Variants in MASP1 observed in about 807,000 individuals in gnomAD.
MASP1 encodes the protein MBL associated serine protease 1.
Under a neutral mutation model 77.1 loss-of-function variants are expected in MASP1, and 59 were observed. The ratio of observed to expected loss-of-function variants is 0.77; its 90% CI spans 0.62 to 0.95. The LOEUF (loss-of-function observed/expected upper bound fraction) is 0.95. MASP1 is among the 40% of genes least tolerant of loss of function. MASP1 has a pLI of 0.00. For missense variants in MASP1, 885 were observed against 912.9 expected, an observed-to-expected ratio of 0.97 and a Z score of 0.39; for synonymous variants, 362 against 354.5, an observed-to-expected ratio of 1.02 and a Z score of -0.24.
exon 16 of MASP1, chr3:187,220,116 G>A (rs1711951183): frequency 1.2e-6 from 2 of 1,614,116 alleles, no homozygotes; most frequent in East Asian, 2.2e-5. Context: ...CCTTGTTGTG[G>A]TGGATGTAAG....
intron 8 of MASP1, chr3:187,246,335 G>C: frequency 3.1e-6 from 3 of 967,194 alleles, no homozygotes; most frequent in Non-Finnish European, 3.7e-6. Flanking sequence ...GTATGTCACT[G>C]AGTATGAATG....
chr3:187,221,046 C>T (rs1418504804), exon 15 of MASP1: 1 of 1,614,046 alleles, frequency 6.2e-7, no homozygotes, highest in Non-Finnish European at 8.5e-7. Flanking sequence ...TTCCTTCTCC[C>T]CAGCACAGAT....
intron 11 of MASP1, among the ~76,000 whole-genome samples, chr3:187,226,898 C>T (rs962717312): frequency 6.6e-6 from 1 of 152,166 alleles, no homozygotes; most frequent in South Asian, 2.1e-4. Flanking sequence ...CCTGGACCAG[C>T]AACATTAGCA....
chr3:187,235,039 A>G lies in MASP1; in HGVS notation c.*645T>C. 1.6e-6 allele frequency: 2 copies of G among 1,287,244 alleles called. No homozygotes were observed. The highest frequency in any genetic ancestry group is 2.0e-6 in the Non-Finnish European group (2 of 988,698). The allele number at this position is 1,287,244 out of a possible 1,614,324, so 79.7% of individuals were successfully genotyped here. A position where few individuals can be genotyped will look rare whatever the true frequency, so the allele number is the denominator to read the frequency against. ...CCCAACTTTCTCCATGTCTTTTGAA[A>G]TTCCTTTAATGGGGAACATAAGGGA... On this transcript the variant is annotated 3_prime_UTR_variant, in exon 11 of 11. Transcript: ENST00000296280.
rs770147766 is a variant in MASP1, at chr3:187,262,750, T to A, written c.238-30A>T. ...GAGGTCAAAGAGAAAGGGAACAAGA[T>A]GAGCAGTTTCCCAGCTAGGCTTCTT... On this transcript the variant is annotated intron_variant, in intron 2 of 10. Coordinates refer to ENST00000296280, the MANE Select transcript of MASP1 (RefSeq NM_139125.4). The A allele has an allele frequency of 3.7e-6, 6 of 1,606,714 alleles. 1 individual carries two copies. Among genetic ancestry groups the A allele is most frequent in the South Asian group, 3.3e-5 (3 of 90,946 alleles).
At chr3:187,291,488 C>T in intron 1 of MASP1, 140 bp downstream of exon 1, 1 of 1,158,500 alleles carries the variant, frequency 8.6e-7, no homozygotes, top group South Asian at 1.3e-5. Flanking sequence ...TTCTCAGAGC[C>T]CTAAGAATTG....
In MASP1 at chr3:187,226,515, TG is replaced by T; in HGVS notation, c.1446del (p.Ser483AlafsTer4). On this transcript the variant is annotated frameshift_variant, in exon 12 of 16. Coordinates refer to the MASP1 transcript ENST00000337774. LOFTEE classifies it high-confidence loss of function. ...CAGTGTGCGGCGGTCACGATCCAGC[TG>T]GAGCCTGGGGAACAGAACACACGTC... 1 of 1,607,560 alleles carries T rather than the reference TG, an allele frequency of 6.2e-7. No individual in the cohort carries two copies. Among genetic ancestry groups the T allele is most frequent in the Non-Finnish European group, 8.5e-7 (1 of 1,176,662 alleles).
At chr3:187,233,391 A>G (rs1712890582), downstream of MASP1, among the ~76,000 whole-genome samples, 3 of 151,058 alleles carry the variant, frequency 2.0e-5, no homozygotes. Context: ...GCTTTTTTCC[A>G]CTCTGCCCCT....
At chr3:187,226,437 G>A (rs759526279) in exon 12 of MASP1, 1 of 1,612,222 alleles carries the variant, frequency 6.2e-7, no homozygotes, top group South Asian at 1.1e-5. Context: ...GAAGGGCTGA[G>A]CAAGTCTGAA....
At chr3:187,241,381 C>A in intron 10 of MASP1, 100 bp downstream of exon 10, 1 of 921,084 alleles carries the variant, frequency 1.1e-6, no homozygotes, top group Non-Finnish European at 1.8e-6. Context: ...CAAAGCATCA[C>A]CTCCCCTGTC....
At chr3:187,258,586 G>C (rs1715301526) in intron 4 of MASP1, among the ~76,000 whole-genome samples, 1 of 152,170 alleles carries the variant, frequency 6.6e-6, no homozygotes, top group Non-Finnish European at 1.5e-5. Flanking sequence ...GTCTTGGCTG[G>C]AGGTGGTGCT....
Position 187,234,242 on chromosome 3 carries a change from G to C in MASP1, c.*1442C>G. The C allele has an allele frequency of 7.8e-7, 1 of 1,287,198 alleles. No homozygotes were observed. Among genetic ancestry groups the C allele is most frequent in the Non-Finnish European group, 1.0e-6 (1 of 988,700 alleles). 79.7% of individuals were successfully genotyped at this position (1,287,198 alleles called of 1,614,324 possible). ...GACAAAGGAGTGTGTTTGATGAGCCGGTTGAGAAAGTGGACACTTCCCAAT... is the reference window on the plus strand; with the variant it reads ...GACAAAGGAGTGTGTTTGATGAGCCCGTTGAGAAAGTGGACACTTCCCAAT... On this transcript the variant is annotated 3_prime_UTR_variant, in exon 11 of 11. Transcript: ENST00000296280.
intron 2 of MASP1, among the ~76,000 whole-genome samples, chr3:187,270,603 C>G (rs758813133): frequency 1.2e-4 from 18 of 152,164 alleles, no homozygotes; most frequent in Admixed American, 2.6e-4. Flanking sequence ...AATCCCATGC[C>G]GTGGTCCCTA....
intron 2 of MASP1, among the ~76,000 whole-genome samples, chr3:187,268,525 G>GAAAGAAAAGAAAAGAAAAGA (rs772156759): frequency 9.2e-5 from 13 of 141,410 alleles, no homozygotes; most frequent in African/African-American, 3.4e-4. Flanking sequence ...GAGGAAGAAA[G>GAAAGAAAAGAAAAGAAAAGA]AAAGAAAAGA....
chr3:187,220,592 G>C (rs1711998479), intron 15 of MASP1, among the ~76,000 whole-genome samples: 1 of 150,136 alleles, frequency 6.7e-6, no homozygotes. Context: ...CTACCTCCTG[G>C]GTTCAAGTGA....
intron 4 of MASP1, 136 bp from the exon 5 acceptor site, chr3:187,256,996 T>C (rs545995414): frequency 2.6e-6 from 2 of 755,314 alleles, no homozygotes; most frequent in Admixed American, 4.2e-5. Context: ...ATTTTACAGA[T>C]GGGAAAAATG....
At chr3:187,222,695 C>G (rs200677140) in intron 14 of MASP1, among the ~76,000 whole-genome samples, 1 of 128,680 alleles carries the variant, frequency 7.8e-6, no homozygotes, top group Non-Finnish European at 1.6e-5. Flanking sequence ...TTTTTTTTTT[C>G]CTTGAACTGA....
intron 1 of MASP1, among the ~76,000 whole-genome samples, chr3:187,287,417 T>G (rs1717953579): frequency 6.6e-6 from 1 of 152,190 alleles, no homozygotes; most frequent in South Asian, 2.1e-4. Context: ...CTTTCACTCC[T>G]CCACAAGCCA....
downstream of MASP1, chr3:187,234,001 T>C: frequency 9.8e-7 from 1 of 1,021,504 alleles, no homozygotes; most frequent in Non-Finnish European, 1.3e-6. Flanking sequence ...TTTGGTTTAA[T>C]GAGGAGACCA....
Sources: allele counts gnomAD v4.1 joint callset (sites outside exome capture counted in the v4.1 genomes callset), GRCh38; gene constraint gnomAD v4.1.1; transcripts MANE v1.5; gene names NCBI Gene and HGNC (gene_info 2026-07-23, HGNC 2026-07-21).